Variants in PGBD5 observed in about 807,000 individuals in gnomAD.
PGBD5 encodes the protein piggyBac transposable element derived 5.
In PGBD5, 14 loss-of-function variants were observed where a neutral mutation model predicts 47.9. The ratio of observed to expected loss-of-function variants is 0.29; its 90% CI spans 0.19 to 0.46. The LOEUF (loss-of-function observed/expected upper bound fraction) is 0.46, where lower values mean the gene tolerates loss of function less well. Ranked by LOEUF, PGBD5 falls within the 20% of genes least tolerant of loss-of-function variation. The pLI, the probability that PGBD5 is intolerant of heterozygous loss-of-function variation, is 1.00. For missense variants in PGBD5, 635 were observed against 716.0 expected, an observed-to-expected ratio of 0.89 and a Z score of 1.29; for synonymous variants, 316 against 306.3, an observed-to-expected ratio of 1.03 and a Z score of -0.33.
In PGBD5 at chr1:230,332,828, G is replaced by A. The variant is rs1415325507; in HGVS notation, c.1273+16C>T. 6.2e-7 allele frequency: 1 copy of A among 1,613,914 alleles called. No individual in the cohort carries two copies. The highest frequency in any genetic ancestry group is 1.3e-5 in the African/African-American group (1 of 74,920). ...CCCCGCGCGCCCCACTGTGTCAATG[G>A]CGGACCCGCACTCACCCTGCTGCAC... is the stretch of plus-strand genomic sequence containing the variant. On this transcript the variant is annotated intron_variant, in intron 5 of 6. Transcript: ENST00000391860.
chr1:230,425,696 C>T lies in PGBD5; in HGVS notation c.233G>A (p.Arg78His). The stretch of plus-strand genomic sequence containing the variant: ...CTCCGGCTCCTGTGCGTCCGGGGCG[C>T]GGGGCGGTGGCGGGGCGGCCCCTGG... Reference protein sequence around the residue: ...GPPGAAPPPPRAPDAQEPEED... With the variant: ...GPPGAAPPPPHAPDAQEPEED... The change falls in exon 1 of 7, where the codon CGC becomes CAC. Residue 78 changes from arginine to histidine, a missense_variant. Physicochemically the swap from Arg to His is conservative, Grantham distance 29. Transcript: ENST00000391860. The surrounding 1 kb of genome is among the most constrained non-coding windows in gnomAD (Gnocchi z 4.7). The T allele has an allele frequency of 8.2e-7, 1 of 1,215,778 alleles. No homozygotes were observed. The highest frequency in any genetic ancestry group is 1.6e-5 in the African/African-American group (1 of 63,660). The allele number at this position is 1,215,778 out of a possible 1,614,324, so 75.3% of individuals were successfully genotyped here.
chr1:230,330,559 C>G (rs560686649), intron 5 of PGBD5, among the ~76,000 whole-genome samples: 15 of 152,310 alleles, frequency 9.8e-5, no homozygotes, highest in African/African-American at 3.1e-4. Flanking sequence ...AAGATGTGAA[C>G]CCCAAAACAG....
At chr1:230,396,842 T>G (rs921229700) in intron 1 of PGBD5, among the ~76,000 whole-genome samples, 7 of 152,170 alleles carry the variant, frequency 4.6e-5, no homozygotes, top group African/African-American at 1.7e-4. Context: ...CCCATGGGAT[T>G]GTGTGCGGAG....
At chr1:230,390,255 A>C (rs1167344314) in intron 1 of PGBD5, among the ~76,000 whole-genome samples, 1 of 152,146 alleles carries the variant, frequency 6.6e-6, no homozygotes, top group Non-Finnish European at 1.5e-5. Flanking sequence ...TCTATCTTCC[A>C]GGTGAAAGGG....
chr1:230,384,536 C>T (rs564996612), intron 1 of PGBD5, among the ~76,000 whole-genome samples: 31 of 152,264 alleles, frequency 2.0e-4, no homozygotes, highest in Middle Eastern at 3.4e-3. Flanking sequence ...GCACTGGGCA[C>T]GCGCTGGACA....
At chr1:230,368,749 GC>G in intron 1 of PGBD5, among the ~76,000 whole-genome samples, 1 of 152,240 alleles carries the variant, frequency 6.6e-6, no homozygotes, top group Non-Finnish European at 1.5e-5. Flanking sequence ...CCTTCTGGCA[GC>G]CTGAAGTACA....
intron 1 of PGBD5, chr1:230,362,203 G>C: frequency 7.6e-7 from 1 of 1,320,384 alleles, no homozygotes; most frequent in South Asian, 1.2e-5. Context: ...GGTGGGGGAG[G>C]ATCTGATGGC....
chr1:230,334,239 C>T (rs886397100), intron 4 of PGBD5, among the ~76,000 whole-genome samples: 10 of 152,158 alleles, frequency 6.6e-5, no homozygotes, highest in Admixed American at 3.9e-4. Flanking sequence ...AGCTGCTGCT[C>T]GCAGCTCCAT....
chr1:230,378,488 G>A (rs559318338), intron 1 of PGBD5, among the ~76,000 whole-genome samples: 33 of 152,348 alleles, frequency 2.2e-4, no homozygotes, highest in African/African-American at 7.2e-4. Flanking sequence ...ACCTGAGCAT[G>A]CCTTTAGGGT....
Position 230,409,314 on chromosome 1 carries a change from G to A in PGBD5, c.331+16284C>T, listed in dbSNP as rs59885558. Among the ~76,000 whole-genome samples, 507 of 152,308 alleles carry A rather than the reference G, an allele frequency of 3.3e-3. 6 individuals carry two copies. The highest frequency in any genetic ancestry group is 0.011 in the African/African-American group (468 of 41,564). Reference sequence around the variant, plus strand: ...AAACAGCCTGGTAGTTTCTCAAAACGTTGAATACAGAGTTATCAGATGACC... The same window carrying A: ...AAACAGCCTGGTAGTTTCTCAAAACATTGAATACAGAGTTATCAGATGACC... On this transcript the variant is annotated intron_variant, in intron 1 of 6. Transcript: ENST00000391860.
At chr1:230,383,359 T>G (rs1490953187) in intron 1 of PGBD5, among the ~76,000 whole-genome samples, 4 of 151,272 alleles carry the variant, frequency 2.6e-5, no homozygotes, top group African/African-American at 9.7e-5. Context: ...TAGGCCACCA[T>G]GCCCAGCATT....
chr1:230,318,122 G>C lies in PGBD5; in HGVS notation c.*5303C>G, dbSNP rs1192308833. 6.6e-6 allele frequency: 1 copy of C among 152,260 alleles called. No individual in the cohort carries two copies. Among genetic ancestry groups the C allele is most frequent in the African/African-American group, 2.4e-5 (1 of 41,456 alleles). The allele number at this position is 152,260 out of a possible 1,614,324, so 9.4% of individuals were successfully genotyped here. ...CTGGGGTGCGCACTGGGCACCCCAG[G>C]GAGGGAGGGACACAGAGATGGCTAA... On this transcript the variant is annotated 3_prime_UTR_variant, in exon 7 of 7. Coordinates refer to ENST00000391860, the MANE Select transcript of PGBD5 (RefSeq NM_001258311.2).
intron 3 of PGBD5, among the ~76,000 whole-genome samples, chr1:230,347,286 G>A (rs921151391): frequency 2.6e-5 from 4 of 152,082 alleles, no homozygotes; most frequent in Non-Finnish European, 5.9e-5. Flanking sequence ...GAGTGGGAGA[G>A]TGGGAGGAAG....
At chr1:230,381,153 C>T (rs2102725773) in intron 1 of PGBD5, among the ~76,000 whole-genome samples, 1 of 152,348 alleles carries the variant, frequency 6.6e-6, no homozygotes, top group South Asian at 2.1e-4. Context: ...AAACTGAAAG[C>T]CAAACAAGGT....
chr1:230,363,208 T>C (rs1667775043), intron 1 of PGBD5, among the ~76,000 whole-genome samples: 1 of 152,216 alleles, frequency 6.6e-6, no homozygotes, highest in Non-Finnish European at 1.5e-5. Flanking sequence ...GCTCCTGCTC[T>C]CTGCCTTCAT....
chr1:230,378,263 T>G (rs1668045422), intron 1 of PGBD5, among the ~76,000 whole-genome samples: 1 of 152,180 alleles, frequency 6.6e-6, no homozygotes, highest in Non-Finnish European at 1.5e-5. Flanking sequence ...AGAAATCAAA[T>G]CACTGCCATT....
intron 1 of PGBD5, among the ~76,000 whole-genome samples, chr1:230,364,028 T>C (rs532764505): frequency 1.2e-4 from 18 of 152,234 alleles, no homozygotes; most frequent in Non-Finnish European, 2.2e-4. Context: ...ATTGTCTAGT[T>C]AGTAAACACC....
chr1:230,424,076 C>T (rs1657717603), intron 1 of PGBD5, among the ~76,000 whole-genome samples: 1 of 152,110 alleles, frequency 6.6e-6, no homozygotes, highest in South Asian at 2.1e-4. Flanking sequence ...TCTATTTCGC[C>T]CTGAGACACG....
intron 2 of PGBD5, among the ~76,000 whole-genome samples, chr1:230,355,097 C>T (rs2102704304): frequency 6.6e-6 from 1 of 152,328 alleles, no homozygotes; most frequent in East Asian, 1.9e-4. Flanking sequence ...ACACGATCAT[C>T]CTTCTAGGCT....
Sources: allele counts gnomAD v4.1 joint callset (sites outside exome capture counted in the v4.1 genomes callset), GRCh38; gene constraint gnomAD v4.1.1; non-coding constraint Gnocchi (gnomAD v3.1); transcripts MANE v1.5; gene names NCBI Gene and HGNC (gene_info 2026-07-23, HGNC 2026-07-21).